SLCO3A1: variants seen among roughly 807,000 people sequenced by gnomAD.
SLCO3A1 encodes solute carrier organic anion transporter family member 3A1.
SLCO3A1 carries 27 observed loss-of-function variants against 63.1 expected under a neutral mutation model. The observed-to-expected ratio is 0.43, with a 90% confidence interval of 0.32 to 0.59. The LOEUF is 0.59. Among genes scored for constraint, SLCO3A1 ranks in the 20% least tolerant of loss-of-function variants. SLCO3A1 has a pLI of 0.09. For synonymous variants in SLCO3A1, 473 were observed against 409.9 expected, an observed-to-expected ratio of 1.15 and a Z score of -1.86; for missense variants, 773 against 945.8, an observed-to-expected ratio of 0.82 and a Z score of 2.40.
At chr15:92,037,865 G>T (rs908596389) in intron 2 of SLCO3A1, among the ~76,000 whole-genome samples, 2 of 152,170 alleles carry the variant, frequency 1.3e-5, no homozygotes, top group Admixed American at 6.5e-5. Flanking sequence ...ATTCTGGCAA[G>T]GTTGTGACTT....
intron 2 of SLCO3A1, among the ~76,000 whole-genome samples, chr15:92,049,442 C>T (rs1399221712): frequency 6.6e-6 from 1 of 152,170 alleles, no homozygotes; most frequent in East Asian, 1.9e-4. Context: ...CAAGCTCTTG[C>T]AACTGACCCT....
chr15:91,952,563 CCACAGAGGCA>C (rs1217132175), intron 2 of SLCO3A1, among the ~76,000 whole-genome samples: 1 of 152,166 alleles, frequency 6.6e-6, no homozygotes, highest in Admixed American at 6.5e-5. Context: ...CTGAGCCAAA[CCACAGAGGCA>C]AAGATGCAGG....
Position 92,143,421 on chromosome 15 carries a change from T to A in SLCO3A1, c.1513-3563T>A, listed in dbSNP as rs1466509287. ...TATAATATATATAATATATATATTA[T>A]ATATATATAATATATATAATATATA... On this transcript the variant is annotated intron_variant, in intron 7 of 9. Transcript: ENST00000318445. Among the ~76,000 whole-genome samples, 4 of 3,470 alleles carry A rather than the reference T, an allele frequency of 1.2e-3. 2 individuals are homozygous for A. The African/African-American group carries it at 0.012, about 11-fold the overall frequency. The allele number at this position is 3,470 out of a possible 152,430, so 2.3% of individuals were successfully genotyped here.
chr15:92,142,299 A>C (rs979000248), intron 7 of SLCO3A1, among the ~76,000 whole-genome samples: 12 of 152,220 alleles, frequency 7.9e-5, no homozygotes, highest in Non-Finnish European at 1.5e-4. Flanking sequence ...TTTAAAGTGC[A>C]TGGCTTATAA....
At chr15:92,152,454 G>A (rs894345996) in intron 9 of SLCO3A1, among the ~76,000 whole-genome samples, 2 of 152,216 alleles carry the variant, frequency 1.3e-5, no homozygotes, top group Non-Finnish European at 2.9e-5. Context: ...CTAAGTCATG[G>A]AAAAGAGAAG....
chr15:91,987,762 ATAATAAT>A (rs1327108279), intron 2 of SLCO3A1, among the ~76,000 whole-genome samples: 78 of 148,468 alleles, frequency 5.3e-4, no homozygotes, highest in African/African-American at 1.8e-3. Flanking sequence ...AAAAAAGATA[ATAATAAT>A]TAATTGTGGT....
chr15:91,915,715 G>C (rs1429932924), intron 1 of SLCO3A1, among the ~76,000 whole-genome samples: 5 of 152,164 alleles, frequency 3.3e-5, no homozygotes, highest in Non-Finnish European at 1.5e-5. Context: ...TTCCGGAAGA[G>C]GGTAGAAGCT....
At chr15:91,978,835 C>T (rs1424554084) in intron 2 of SLCO3A1, among the ~76,000 whole-genome samples, 2 of 152,216 alleles carry the variant, frequency 1.3e-5, no homozygotes, top group African/African-American at 2.4e-5. Flanking sequence ...CAAGGGTCAG[C>T]GAACTATGGC....
At chr15:92,045,369 A>T (rs2151490904) in intron 2 of SLCO3A1, among the ~76,000 whole-genome samples, 1 of 152,310 alleles carries the variant, frequency 6.6e-6, no homozygotes, top group African/African-American at 2.4e-5. Flanking sequence ...AGAGATAAAA[A>T]TCACTTATAA....
intron 2 of SLCO3A1, among the ~76,000 whole-genome samples, chr15:91,958,545 T>C (rs2151419532): frequency 6.6e-6 from 1 of 152,358 alleles, no homozygotes; most frequent in South Asian, 2.1e-4. Context: ...ATGCCTCACC[T>C]TGAGGGCTGT....
At chr15:92,135,858 C>G (rs773507032) in intron 7 of SLCO3A1, among the ~76,000 whole-genome samples, 4 of 152,164 alleles carry the variant, frequency 2.6e-5, no homozygotes, top group African/African-American at 9.7e-5. Context: ...GGTAAACTCC[C>G]TTTATGAACA....
At chr15:91,919,379 G>T (rs796088556) in intron 2 of SLCO3A1, among the ~76,000 whole-genome samples, 9 of 152,352 alleles carry the variant, frequency 5.9e-5, no homozygotes, top group African/African-American at 2.2e-4. Flanking sequence ...AGCCAAGGGA[G>T]CTCATTACCA....
chr15:92,025,782 C>T (rs1197821681), intron 2 of SLCO3A1, among the ~76,000 whole-genome samples: 2 of 152,254 alleles, frequency 1.3e-5, no homozygotes, highest in South Asian at 2.1e-4. Context: ...TTCTCCCGGC[C>T]GTGAGTGGCT....
chr15:92,092,939 A>C (rs1477815784), intron 2 of SLCO3A1, among the ~76,000 whole-genome samples: 12 of 152,334 alleles, frequency 7.9e-5, no homozygotes, highest in South Asian at 6.2e-4. Flanking sequence ...CCATGGAGTG[A>C]CTATTTGGAA....
intron 3 of SLCO3A1, among the ~76,000 whole-genome samples, chr15:92,096,266 G>C (rs2047537953): frequency 6.6e-6 from 1 of 152,190 alleles, no homozygotes; most frequent in African/African-American, 2.4e-5. Flanking sequence ...GAAGGTGAGA[G>C]AGAGCACCTG....
chr15:92,007,090 A>G (rs1024387121), intron 2 of SLCO3A1, among the ~76,000 whole-genome samples: 1 of 152,246 alleles, frequency 6.6e-6, no homozygotes, highest in Non-Finnish European at 1.5e-5. Context: ...CAACATTTCC[A>G]CTGACACGCA....
At chr15:92,001,759 T>G (rs2046257291) in intron 2 of SLCO3A1, among the ~76,000 whole-genome samples, 1 of 151,850 alleles carries the variant, frequency 6.6e-6, no homozygotes, top group African/African-American at 2.4e-5. Context: ...CAATATTTAC[T>G]GAGTTCTTGC....
At chr15:92,144,151 A>G (rs914357016) in intron 7 of SLCO3A1, among the ~76,000 whole-genome samples, 2 of 152,194 alleles carry the variant, frequency 1.3e-5, no homozygotes, top group Non-Finnish European at 2.9e-5. Flanking sequence ...AGGAATACAT[A>G]ATTTTCTCTT....
Position 91,853,847 on chromosome 15 carries a change from C to G in SLCO3A1, c.-62C>G, listed in dbSNP as rs1238876087. On this transcript the variant is annotated 5_prime_UTR_variant, in exon 1 of 10. Coordinates refer to ENST00000318445, the MANE Select transcript of SLCO3A1 (RefSeq NM_013272.4). ...CGCGCACCCCCGCCCGGCAGCGGCC[C>G]CGACACCCGGGGCGAGCGGGAAAGC... 3 of 1,224,416 alleles carry G rather than the reference C, an allele frequency of 2.5e-6. No individual in the cohort carries two copies. Among genetic ancestry groups the G allele is most frequent in the African/African-American group, 3.4e-5 (2 of 59,030 alleles). 75.8% of individuals were successfully genotyped at this position (1,224,416 alleles called of 1,614,324 possible).
Sources: gnomAD v4.1 joint callset for allele counts (sites outside exome capture counted in the v4.1 genomes callset) on GRCh38, gnomAD v4.1.1 for gene constraint, MANE v1.5 for transcripts, NCBI Gene and HGNC (gene_info 2026-07-23, HGNC 2026-07-21) for gene names.